The following DCAF6 variants were observed in gnomAD, a reference collection of about 807,000 sequenced individuals.
DCAF6 encodes the protein DDB1 and CUL4 associated factor 6, also known as DDB1- and CUL4-associated factor 6.
Under a neutral mutation model 125.1 loss-of-function variants are expected in DCAF6, and 54 were observed. The observed-to-expected ratio is 0.43, with a 90% CI of 0.35 to 0.54. The LOEUF is 0.54. Ranked by LOEUF, DCAF6 falls within the 20% of genes least tolerant of loss-of-function variation. The probability of loss-of-function intolerance (pLI) is 0.01; values close to 1 mark genes in which losing one functional copy is unlikely to be tolerated. For synonymous variants in DCAF6, 371 were observed against 390.4 expected (o/e 0.95, Z 0.58); for missense variants, 934 against 1,161.7 (o/e 0.80, Z 2.85).
At chr1:168,028,943 A>G (rs1292209815) in intron 12 of DCAF6, among the ~76,000 whole-genome samples, 1 of 152,192 alleles carries the variant, frequency 6.6e-6, no homozygotes, top group Non-Finnish European at 1.5e-5. Context: ...TTCTAGTGAA[A>G]TAATAAGTTA....
At chr1:167,984,702 A>G (rs1213460653) in intron 4 of DCAF6, among the ~76,000 whole-genome samples, 2 of 152,226 alleles carry the variant, frequency 1.3e-5, no homozygotes, top group East Asian at 1.9e-4. Context: ...CTTGAAATGT[A>G]TACTTATTTA....
At chr1:167,864,585 AAG>A in the DCAF6 span, among the ~76,000 whole-genome samples, 3 of 152,024 alleles carry the variant, frequency 2.0e-5, no homozygotes, top group East Asian at 1.9e-4. Flanking sequence ...AGGAAAGTCA[AAG>A]AGAGAGAGAG....
chr1:168,069,206 T>G (rs1186943086), intron 21 of DCAF6, among the ~76,000 whole-genome samples: 1 of 152,184 alleles, frequency 6.6e-6, no homozygotes, highest in African/African-American at 2.4e-5. Flanking sequence ...ACACAACTGA[T>G]AAATATTAAA....
intron 7 of DCAF6, chr1:167,998,517 A>G (rs1400095165): frequency 2.5e-5 from 4 of 158,254 alleles, no homozygotes; most frequent in Non-Finnish European, 1.4e-5. Flanking sequence ...AGCTTCTTAC[A>G]CACAATAGAA....
At chr1:167,977,476 A>T (rs952678292) in intron 4 of DCAF6, among the ~76,000 whole-genome samples, 1 of 152,090 alleles carries the variant, frequency 6.6e-6, no homozygotes, top group Non-Finnish European at 1.5e-5. Flanking sequence ...GTTCCTGTAT[A>T]GGTAACCTGT....
chr1:168,020,355 T>G (rs760052595), intron 11 of DCAF6, among the ~76,000 whole-genome samples: 1 of 152,230 alleles, frequency 6.6e-6, no homozygotes, highest in Non-Finnish European at 1.5e-5. Context: ...GTGATTTACC[T>G]GTTAGACTAT....
chr1:167,878,371 G>T, the DCAF6 span: 1 of 1,515,450 alleles, frequency 6.6e-7, no homozygotes, highest in Non-Finnish European at 9.1e-7. Flanking sequence ...AATCTTAAAT[G>T]GGTGACTGCT....
At chr1:168,051,108 G>A (rs1689869795) in intron 17 of DCAF6, among the ~76,000 whole-genome samples, 175 bp downstream of exon 17, 1 of 152,196 alleles carries the variant, frequency 6.6e-6, no homozygotes, top group Non-Finnish European at 1.5e-5. Flanking sequence ...TTAGCTGCAT[G>A]CACTGCATGG....
the DCAF6 span, chr1:167,880,382 G>A: frequency 1.0e-6 from 1 of 993,094 alleles, no homozygotes; most frequent in South Asian, 1.3e-5. Context: ...TGAGACACAG[G>A]ACTAAGTTCT....
chr1:167,864,507 G>A, the DCAF6 span, among the ~76,000 whole-genome samples: 1 of 151,996 alleles, frequency 6.6e-6, no homozygotes, highest in South Asian at 2.1e-4. Context: ...AATTACAGCT[G>A]GTTTTAGACC....
At chr1:167,986,476 A>G (rs964969467) in intron 4 of DCAF6, among the ~76,000 whole-genome samples, 1 of 152,162 alleles carries the variant, frequency 6.6e-6, no homozygotes, top group Non-Finnish European at 1.5e-5. Context: ...CAGTGTTTCA[A>G]ACATAGGAAT....
At chr1:167,984,463 TA>T (rs929688595) in intron 4 of DCAF6, among the ~76,000 whole-genome samples, 18 of 152,330 alleles carry the variant, frequency 1.2e-4, no homozygotes, top group African/African-American at 4.3e-4. Flanking sequence ...TTCTAGTTTT[TA>T]AAAATAAATA....
chr1:168,038,946 TTATAA>T (rs1472839446), intron 13 of DCAF6, among the ~76,000 whole-genome samples: 2 of 152,094 alleles, frequency 1.3e-5, no homozygotes, highest in Non-Finnish European at 2.9e-5. Context: ...TTGTTTGACT[TTATAA>T]TAAATATTCC....
chr1:167,880,683 A>G, the DCAF6 span: 5 of 1,168,802 alleles, frequency 4.3e-6, no homozygotes, highest in Non-Finnish European at 6.4e-6. Flanking sequence ...AAGGCTCAAC[A>G]GAGAGCCGGC....
intron 1 of DCAF6, among the ~76,000 whole-genome samples, chr1:167,938,690 C>T (rs1158345402): frequency 6.6e-6 from 1 of 152,222 alleles, no homozygotes; most frequent in Non-Finnish European, 1.5e-5. Context: ...TGCATGGATA[C>T]ATTTATAATT....
chr1:167,873,189 T>C, the DCAF6 span, among the ~76,000 whole-genome samples: 1 of 152,028 alleles, frequency 6.6e-6, no homozygotes, highest in Non-Finnish European at 1.5e-5. Context: ...AATAAGTATA[T>C]CCTAGGATGA....
chr1:167,884,098 T>C, the DCAF6 span, among the ~76,000 whole-genome samples: 7 of 152,216 alleles, frequency 4.6e-5, no homozygotes, highest in Non-Finnish European at 1.0e-4. Context: ...TCCTTTGTGT[T>C]ACAAACAATC....
intron 12 of DCAF6, among the ~76,000 whole-genome samples, chr1:168,033,594 G>T (rs549450769): frequency 4.7e-4 from 71 of 152,130 alleles, no homozygotes; most frequent in Non-Finnish European, 9.1e-4. Context: ...TGGGATTACA[G>T]GTGTGAGCCA....
chr1:167,905,667 T>C, the DCAF6 span, among the ~76,000 whole-genome samples: 1 of 151,544 alleles, frequency 6.6e-6, no homozygotes, highest in East Asian at 1.9e-4. Context: ...AGTATTAGAG[T>C]TTTGTATATA....
Sources: allele counts gnomAD v4.1 joint callset (sites outside exome capture counted in the v4.1 genomes callset), GRCh38; gene constraint gnomAD v4.1.1; transcripts MANE v1.5; gene names NCBI Gene and HGNC (gene_info 2026-07-23, HGNC 2026-07-21).